Variants in PDZD4 observed in about 807,000 individuals in gnomAD.
PDZD4 encodes PDZ domain-containing protein 4.
PDZD4 carries 9 observed loss-of-function variants against 38.5 expected under a neutral mutation model. The ratio of observed to expected loss-of-function variants is 0.23; its 90% confidence interval spans 0.14 to 0.41. The LOEUF (loss-of-function observed/expected upper bound fraction) is 0.41, where lower values mean the gene tolerates loss of function less well. PDZD4 is among the 10% of genes least tolerant of loss of function. The pLI is 1.00. For synonymous variants in PDZD4, 349 were observed against 315.7 expected (o/e 1.11, Z -1.12); for missense variants, 612 against 722.0 (o/e 0.85, Z 1.75).
intron 1 of PDZD4, among the ~76,000 whole-genome samples, chrX:153,820,917 A>C (rs6643647): frequency 0.45 from 50,465 of 111,056 alleles, 10,839 homozygotes; most frequent in Non-Finnish European, 0.67. Context: ...CCTGATTCAC[A>C]GGTAATTTGG....
chrX:153,803,369 G>A lies in PDZD4; in HGVS notation c.2312C>T (p.Ser771Leu). 2 of 1,136,208 alleles carry A rather than the reference G, an allele frequency of 1.8e-6. No individual in the cohort carries two copies. The highest frequency in any genetic ancestry group is 2.3e-6 in the Non-Finnish European group (2 of 862,396). The allele number at this position is 1,136,208 out of a possible 1,213,427, so 93.6% of individuals were successfully genotyped here. ...CCGGGCAGCTCACACGGTGGTGACTGAGAGAAGAGGGTTGTAGACCCGCTT... is the reference window on the plus strand; with the variant it reads ...CCGGGCAGCTCACACGGTGGTGACTAAGAGAAGAGGGTTGTAGACCCGCTT... ...DGKRVYNPLL[S>L]VTTV The change falls in exon 8 of 8, where the codon TCA (serine) becomes TTA (leucine). Residue 771 changes from serine (S) to leucine (L), a missense_variant. Physicochemically the swap from Ser to Leu is moderately radical, Grantham distance 145. This residue lies in a region of PDZD4 where 87 missense variants were observed against 126.3 expected (regional missense o/e 0.69). Coordinates refer to ENST00000393758, the MANE Select transcript of PDZD4 (RefSeq NM_001303512.2).
At chrX:153,819,840 C>T (rs968805438) in intron 1 of PDZD4, among the ~76,000 whole-genome samples, 10 of 111,715 alleles carry the variant, frequency 9.0e-5, no homozygotes, top group Non-Finnish European at 1.3e-4. Flanking sequence ...GAAAATTGTC[C>T]GCCCACAAGC....
chrX:153,803,405 G>T lies in PDZD4; in HGVS notation c.2276C>A (p.Ser759Tyr). ...IQEMLAHGARSADGKRVYNPL... is the reference protein window; with the variant it reads ...IQEMLAHGARYADGKRVYNPL... The stretch of plus-strand genomic sequence containing the variant: ...GTTGTAGACCCGCTTGCCATCGGCG[G>T]AGCGCGCGCCGTGGGCCAGCATCTC... The change falls in exon 8 of 8, where the codon TCC (serine) becomes TAC (tyrosine). Residue 759 changes from serine to tyrosine, a missense_variant. Around this residue, in one of 3 missense-constraint regions of PDZD4, gnomAD observed 87 missense variants for 126.3 expected, o/e 0.69. Transcript: ENST00000393758. 8.7e-7 allele frequency: 1 copy of T among 1,144,316 alleles called. No homozygotes were observed. The allele number at this position is 1,144,316 out of a possible 1,213,427, so 94.3% of individuals were successfully genotyped here.
At chrX:153,825,519 A>T (rs924624602) in intron 1 of PDZD4, among the ~76,000 whole-genome samples, 2 of 112,280 alleles carry the variant, frequency 1.8e-5, no homozygotes, top group Non-Finnish European at 3.8e-5. Flanking sequence ...TTCCTAACTC[A>T]ACACGCAGTA....
At chrX:153,820,255 G>A (rs1172995108) in intron 1 of PDZD4, among the ~76,000 whole-genome samples, 4 of 104,938 alleles carry the variant, frequency 3.8e-5, no homozygotes, top group African/African-American at 1.4e-4. Context: ...GCTGAGGCAG[G>A]AGAATCACTT....
intron 1 of PDZD4, among the ~76,000 whole-genome samples, chrX:153,823,307 C>A (rs978252323): frequency 9.1e-6 from 1 of 109,494 alleles, no homozygotes; most frequent in African/African-American, 3.3e-5. Context: ...CAACCTCCAC[C>A]TCCCGGGTTC....
intron 1 of PDZD4, among the ~76,000 whole-genome samples, chrX:153,812,738 C>T (rs1309550574): frequency 3.6e-5 from 4 of 111,194 alleles, no homozygotes; most frequent in African/African-American, 1.3e-4. Flanking sequence ...AGGTATAGGG[C>T]CAGGCACATG....
chrX:153,808,074 A>G, intron 2 of PDZD4: 1 of 1,061,829 alleles, frequency 9.4e-7, no homozygotes, highest in Non-Finnish European at 1.2e-6. Flanking sequence ...GAGGAGGAGG[A>G]GCTGAGGCCC....
intron 1 of PDZD4, among the ~76,000 whole-genome samples, chrX:153,815,649 AGG>A (rs2064353561): frequency 9.0e-6 from 1 of 111,578 alleles, no homozygotes; most frequent in African/African-American, 3.3e-5. Context: ...CAGGTCGGGG[AGG>A]GGACCTGGCG....
chrX:153,811,612 T>C (rs1215902987), intron 1 of PDZD4, among the ~76,000 whole-genome samples: 1 of 112,611 alleles, frequency 8.9e-6, no homozygotes. Context: ...CTGGGGTCCA[T>C]TTTATACATT....
At chrX:153,824,959 T>C (rs2064465580) in intron 1 of PDZD4, among the ~76,000 whole-genome samples, 1 of 111,857 alleles carries the variant, frequency 8.9e-6, no homozygotes, top group South Asian at 3.7e-4. Context: ...GATCGTACCA[T>C]TGCACTCCAG....
rs1557075415 is a variant in PDZD4, at chrX:153,803,703, G to A, written c.1978C>T (p.Arg660Trp). The change falls in exon 8 of 8, where the codon CGG becomes TGG. Residue 660 changes from arginine to tryptophan, a missense_variant. Around this residue, in one of 3 missense-constraint regions of PDZD4, gnomAD observed 87 missense variants for 126.3 expected, o/e 0.69. Coordinates refer to ENST00000393758, the MANE Select transcript of PDZD4 (RefSeq NM_001303512.2). Reference sequence around the variant, plus strand: ...GTCGTCATACCGCTGCGCTCCTCCCGGATCTTCAGGGCACGGGCTTTCAGC... The same window carrying A: ...GTCGTCATACCGCTGCGCTCCTCCCAGATCTTCAGGGCACGGGCTTTCAGC... ...RLLKARALKI[R>W]EERSGMTTDD... The A allele has an allele frequency of 8.3e-7, 1 of 1,210,033 alleles. No individual in the cohort carries two copies. Among genetic ancestry groups the A allele is most frequent in the African/African-American group, 1.7e-5 (1 of 58,011 alleles).
At chrX:153,829,751 G>T in intron 1 of PDZD4, 1 of 755,284 alleles carries the variant, frequency 1.3e-6, no homozygotes, top group Non-Finnish European at 1.6e-6. Context: ...CCTAAGGCCC[G>T]GGAGCCCATC....
chrX:153,808,578 G>C lies in PDZD4; in HGVS notation c.78C>G (p.Leu26=), dbSNP rs139269324. The C allele has an allele frequency of 3.4e-6, 4 of 1,177,388 alleles. No homozygotes were observed. In the African/African-American group the frequency reaches 7.1e-5, roughly 21 times the overall value. ...GAGTTTGCTCCTGAGACAGCTTGGA[G>C]AGCTCCTTCCCGTTCACCTGCGGCA... is the stretch of plus-strand genomic sequence containing the variant. The part of the protein sequence containing the change: ...KVMLQVNGKE[L]SKLSQEQTLQ... The change falls in exon 2 of 8, where the codon CTC becomes CTG. Residue 26 remains leucine (L), a synonymous_variant. Coordinates refer to ENST00000393758, the MANE Select transcript of PDZD4 (RefSeq NM_001303512.2).
intron 2 of PDZD4, 26 bp from the exon 3 acceptor site, chrX:153,807,395 A>G (rs1366386365): frequency 2.6e-6 from 3 of 1,171,457 alleles, no homozygotes; most frequent in African/African-American, 1.8e-5. Flanking sequence ...TGGGGGTCAG[A>G]CCAGCTGGCC....
intron 5 of PDZD4, 50 bp downstream of exon 5, chrX:153,806,021 G>A (rs2064244993): frequency 5.9e-6 from 7 of 1,182,199 alleles, no homozygotes; most frequent in Non-Finnish European, 8.0e-6. Flanking sequence ...TGGCTGGGCC[G>A]ACGGGCACAG....
chrX:153,817,927 A>T (rs782051249), intron 1 of PDZD4, among the ~76,000 whole-genome samples: 3 of 112,348 alleles, frequency 2.7e-5, no homozygotes, highest in Non-Finnish European at 5.6e-5. Context: ...GTTCAATTAA[A>T]CTAGGAATTT....
At chrX:153,829,624 G>T in intron 1 of PDZD4, 1 of 625,721 alleles carries the variant, frequency 1.6e-6, no homozygotes, top group Non-Finnish European at 1.9e-6. Context: ...CGGGCCCCGC[G>T]TCTCCTTCCC....
intron 3 of PDZD4, 136 bp downstream of exon 3, chrX:153,807,143 C>G (rs1272796454): frequency 5.8e-5 from 35 of 604,441 alleles, no homozygotes; most frequent in Admixed American, 6.8e-5. Flanking sequence ...GAACACGTAA[C>G]CTCACCCGCA....
Sources: gnomAD v4.1 joint callset for allele counts (sites outside exome capture counted in the v4.1 genomes callset) on GRCh38, gnomAD v4.1.1 for gene constraint, gnomAD v4.1.1 regional missense constraint, MANE v1.5 for transcripts, NCBI Gene and HGNC (gene_info 2026-07-23, HGNC 2026-07-21) for gene names.